ZEB1: variants seen among roughly 807,000 people sequenced by gnomAD.
ZEB1 encodes zinc finger E-box binding homeobox 1.
In ZEB1, 21 loss-of-function variants were observed where a neutral mutation model predicts 84.9. That is an observed-to-expected ratio of 0.25 (90% CI 0.18 to 0.36). The LOEUF (loss-of-function observed/expected upper bound fraction) is 0.36, where lower values mean the gene tolerates loss of function less well. Among genes scored for constraint, ZEB1 ranks in the 10% least tolerant of loss-of-function variants. The pLI is 1.00. For synonymous variants in ZEB1, 420 were observed against 471.1 expected, an observed-to-expected ratio of 0.89 and a Z score of 1.41; for missense variants, 1,104 against 1,330.2, an observed-to-expected ratio of 0.83 and a Z score of 2.65.
chr10:31,344,839 C>T (rs1431652374), intron 1 of ZEB1, among the ~76,000 whole-genome samples: 1 of 152,010 alleles, frequency 6.6e-6, no homozygotes, highest in Non-Finnish European at 1.5e-5. Flanking sequence ...TAGTTGAGAA[C>T]TAATTCATGT....
intron 1 of ZEB1, among the ~76,000 whole-genome samples, chr10:31,414,552 T>C (rs1205682925): frequency 6.6e-6 from 1 of 152,190 alleles, no homozygotes; most frequent in Non-Finnish European, 1.5e-5. Flanking sequence ...TGCAACTGAT[T>C]ATAGTTCTAA....
intron 1 of ZEB1, among the ~76,000 whole-genome samples, chr10:31,322,399 A>C (rs1362873915): frequency 6.6e-6 from 1 of 152,230 alleles, no homozygotes; most frequent in Non-Finnish European, 1.5e-5. Flanking sequence ...GAGATAGTTT[A>C]TGTTGTTATA....
At chr10:31,493,524 A>T (rs1382966113) in intron 2 of ZEB1, among the ~76,000 whole-genome samples, 2 of 151,968 alleles carry the variant, frequency 1.3e-5, no homozygotes, top group Non-Finnish European at 2.9e-5. Context: ...GTCTTACAGG[A>T]AAAAAATATG....
In ZEB1 at chr10:31,435,943, A is replaced by G. The variant is rs116626704; in HGVS notation, c.59-25094A>G. ...CTAGTGGCATTGGTGCCTGGAGAGGATTGTTGATGATAGACGGGATATGAG... is the reference window on the plus strand; with the variant it reads ...CTAGTGGCATTGGTGCCTGGAGAGGGTTGTTGATGATAGACGGGATATGAG... On this transcript the variant is annotated intron_variant, in intron 1 of 8. Coordinates refer to ENST00000424869, the MANE Select transcript of ZEB1 (RefSeq NM_001174096.2). Among the ~76,000 whole-genome samples, 1,066 of 152,232 alleles carry G rather than the reference A, an allele frequency of 7.0e-3. 12 individuals are homozygous for G. Among genetic ancestry groups the G allele is most frequent in the African/African-American group, 0.024 (976 of 41,516 alleles).
At chr10:31,341,034 T>C (rs60472199) in intron 1 of ZEB1, among the ~76,000 whole-genome samples, 237 of 152,226 alleles carry the variant, frequency 1.6e-3, no homozygotes, top group African/African-American at 4.5e-3. Flanking sequence ...CGAAACCAAA[T>C]CATGGAAGCT....
At chr10:31,417,957 G>T (rs1564790017) in intron 1 of ZEB1, among the ~76,000 whole-genome samples, 1 of 151,956 alleles carries the variant, frequency 6.6e-6, no homozygotes, top group African/African-American at 2.4e-5. Context: ...TTGAATACAG[G>T]TAAATACAAG....
chr10:31,527,465 G>T lies in ZEB1; in HGVS notation c.*201G>T. 2 of 684,056 alleles carry T rather than the reference G, an allele frequency of 2.9e-6. No individual in the cohort carries two copies. Among genetic ancestry groups the T allele is most frequent in the South Asian group, 4.3e-5 (2 of 46,174 alleles). The allele number at this position is 684,056 out of a possible 1,614,324, so 42.4% of individuals were successfully genotyped here. ...CACACACACACACAAAATAAATCCG[G>T]GTGTGCCTGAACCTCAGACCTAGTA... On this transcript the variant is annotated 3_prime_UTR_variant, in exon 9 of 9. Transcript: ENST00000424869.
intron 1 of ZEB1, among the ~76,000 whole-genome samples, chr10:31,393,014 T>G (rs2050046763): frequency 2.0e-5 from 3 of 152,080 alleles, no homozygotes; most frequent in Admixed American, 1.3e-4. Context: ...TTTCTGTGTT[T>G]TTTGTTGAGA....
intron 1 of ZEB1, among the ~76,000 whole-genome samples, chr10:31,369,384 A>AAC (rs1215431906): frequency 1.3e-5 from 2 of 152,186 alleles, no homozygotes; most frequent in Non-Finnish European, 2.9e-5. Context: ...AGCCTCTGGT[A>AAC]ACCATTGTTC....
intron 1 of ZEB1, among the ~76,000 whole-genome samples, chr10:31,390,934 G>T (rs111232742): frequency 1.3e-5 from 2 of 152,030 alleles, no homozygotes; most frequent in Non-Finnish European, 2.9e-5. Flanking sequence ...TAGTAGTGTG[G>T]ATCTACCCTC....
intron 1 of ZEB1, among the ~76,000 whole-genome samples, chr10:31,435,782 G>C (rs767602282): frequency 6.6e-6 from 1 of 152,208 alleles, no homozygotes; most frequent in African/African-American, 2.4e-5. Flanking sequence ...GCCATTGAAA[G>C]GTTTTAAGAA....
At chr10:31,411,026 T>G (rs2054141444) in intron 1 of ZEB1, among the ~76,000 whole-genome samples, 1 of 152,198 alleles carries the variant, frequency 6.6e-6, no homozygotes, top group South Asian at 2.1e-4. Flanking sequence ...TTATTTCTTG[T>G]CGTCTGCTAG....
At chr10:31,495,910 G>C (rs1205419893) in intron 3 of ZEB1, 72 bp downstream of exon 3, 1 of 1,527,214 alleles carries the variant, frequency 6.5e-7, no homozygotes, top group Admixed American at 1.7e-5. Context: ...TTTCGCATTT[G>C]TGAGTCCTGA....
chr10:31,391,586 A>G (rs1033086586), intron 1 of ZEB1, among the ~76,000 whole-genome samples: 1 of 152,170 alleles, frequency 6.6e-6, no homozygotes, highest in Admixed American at 6.6e-5. Context: ...TAACACATCT[A>G]TATAAGTAAG....
At chr10:31,474,448 A>G (rs1347355275) in intron 2 of ZEB1, among the ~76,000 whole-genome samples, 2 of 152,198 alleles carry the variant, frequency 1.3e-5, no homozygotes, top group African/African-American at 4.8e-5. Context: ...CAGCCAAAAA[A>G]CACATGAAAA....
At chr10:31,335,972 A>G (rs931968339) in intron 1 of ZEB1, among the ~76,000 whole-genome samples, 3 of 152,176 alleles carry the variant, frequency 2.0e-5, no homozygotes, top group African/African-American at 7.2e-5. Context: ...GTAGCATTAT[A>G]TCATCATAAA....
intron 2 of ZEB1, among the ~76,000 whole-genome samples, chr10:31,470,421 A>C (rs1366017764): frequency 3.1e-4 from 46 of 150,786 alleles, no homozygotes; most frequent in African/African-American, 1.1e-3. Flanking sequence ...AGAATGCAGA[A>C]GCCTCAGGAG....
At chr10:31,415,146 G>A (rs957079295) in intron 1 of ZEB1, among the ~76,000 whole-genome samples, 1 of 152,150 alleles carries the variant, frequency 6.6e-6, no homozygotes, top group Non-Finnish European at 1.5e-5. Flanking sequence ...AGAATGCCAT[G>A]CCTTTAAGGT....
Position 31,521,596 on chromosome 10 carries a change from G to T in ZEB1, c.2264G>T (p.Ser755Ile), listed in dbSNP as rs1201649107. 1.2e-6 allele frequency: 2 copies of T among 1,614,096 alleles called. No individual in the cohort carries two copies. Among genetic ancestry groups the T allele is most frequent in the Non-Finnish European group, 1.7e-6 (2 of 1,180,018 alleles). Residue 755 changes from serine to isoleucine, a missense_variant, in exon 7 of 9, where the codon AGT (serine) becomes ATT (isoleucine). By Grantham distance (142) the Ser-to-Ile change is moderately radical (BLOSUM62 -2). Around this residue, in one of 7 missense-constraint regions of ZEB1, gnomAD observed 531 missense variants for 575.2 expected, o/e 0.92. Transcript: ENST00000424869. ...TTATTAGAAAGGTCAACTATCACTA[G>T]TGTTTACCAGAACAGTGTTTATTCT... The part of the protein sequence containing the change: ...GELLERSTIT[S>I]VYQNSVYSVQ...
Sources: allele counts gnomAD v4.1 joint callset (sites outside exome capture counted in the v4.1 genomes callset), GRCh38; gene constraint gnomAD v4.1.1; regional missense constraint gnomAD v4.1.1; transcripts MANE v1.5; gene names NCBI Gene and HGNC (gene_info 2026-07-23, HGNC 2026-07-21).